Variants in PALM2AKAP2 observed in about 807,000 individuals in gnomAD.
PALM2AKAP2 encodes PALM2-AKAP2 fusion protein.
PALM2AKAP2 carries 37 observed loss-of-function variants against 71.5 expected under a neutral mutation model. The observed-to-expected ratio is 0.52, with a 90% confidence interval of 0.40 to 0.68. The LOEUF (loss-of-function observed/expected upper bound fraction) is 0.68, where lower values mean the gene tolerates loss of function less well. Ranked by LOEUF, PALM2AKAP2 falls within the 30% of genes least tolerant of loss-of-function variation. The pLI is 0.00. For synonymous variants in PALM2AKAP2, 468 were observed against 478.8 expected (o/e 0.98, Z 0.29); for missense variants, 1,224 against 1,191.8 (o/e 1.03, Z -0.40).
chr9:110,025,696 A>G (rs1833167501), intron 7 of PALM2AKAP2, among the ~76,000 whole-genome samples: 1 of 152,178 alleles, frequency 6.6e-6, no homozygotes, highest in South Asian at 2.1e-4. Context: ...CCTAGCCAAC[A>G]CTTACTACTG....
At chr9:109,810,843 A>G (rs1827708951) in intron 1 of PALM2AKAP2, among the ~76,000 whole-genome samples, 1 of 152,148 alleles carries the variant, frequency 6.6e-6, no homozygotes, top group Non-Finnish European at 1.5e-5. Context: ...GCACAAATAG[A>G]GAGGCTGTTC....
chr9:110,000,612 A>G (rs1423257065), intron 6 of PALM2AKAP2, among the ~76,000 whole-genome samples: 3 of 152,214 alleles, frequency 2.0e-5, no homozygotes, highest in Non-Finnish European at 2.9e-5. Flanking sequence ...TGGTTGAACT[A>G]GTTTACAGTC....
At chr9:109,677,651 G>C (rs1827667405) in intron 1 of PALM2AKAP2, among the ~76,000 whole-genome samples, 2 of 148,988 alleles carry the variant, frequency 1.3e-5, no homozygotes, top group Non-Finnish European at 3.0e-5. Context: ...CTGGGTAACA[G>C]AGTGGGACTC....
chr9:110,007,305 T>G (rs1361354127), intron 6 of PALM2AKAP2, among the ~76,000 whole-genome samples: 1 of 152,230 alleles, frequency 6.6e-6, no homozygotes, highest in East Asian at 1.9e-4. Flanking sequence ...AATGCCCCAT[T>G]AAATAATCTT....
intron 6 of PALM2AKAP2, among the ~76,000 whole-genome samples, chr9:109,957,360 C>T (rs953709638): frequency 6.6e-6 from 1 of 152,184 alleles, no homozygotes; most frequent in African/African-American, 2.4e-5. Flanking sequence ...AACACTCCAG[C>T]GTTTAGCCTT....
chr9:109,999,917 G>C (rs917754472), intron 6 of PALM2AKAP2, among the ~76,000 whole-genome samples: 1 of 151,520 alleles, frequency 6.6e-6, no homozygotes, highest in Admixed American at 6.6e-5. Flanking sequence ...ACACAAATTT[G>C]AGTGTAGATT....
chr9:109,849,038 T>C (rs1231884803), intron 1 of PALM2AKAP2, among the ~76,000 whole-genome samples: 1 of 151,844 alleles, frequency 6.6e-6, no homozygotes, highest in Non-Finnish European at 1.5e-5. Context: ...ATTAACAGGA[T>C]TGACTCCACA....
intron 1 of PALM2AKAP2, among the ~76,000 whole-genome samples, chr9:110,071,707 A>G (rs901177981): frequency 1.2e-4 from 19 of 152,348 alleles, no homozygotes; most frequent in Admixed American, 6.5e-5. Context: ...TCCAATTAGC[A>G]CTACCATTGT....
At chr9:109,899,326 A>C (rs1441225485) in intron 3 of PALM2AKAP2, among the ~76,000 whole-genome samples, 1 of 152,116 alleles carries the variant, frequency 6.6e-6, no homozygotes, top group Non-Finnish European at 1.5e-5. Flanking sequence ...TCCTCTATCT[A>C]ATCAGTAATT....
At chr9:110,016,740 A>G (rs527608235) in intron 7 of PALM2AKAP2, among the ~76,000 whole-genome samples, 3 of 152,356 alleles carry the variant, frequency 2.0e-5, no homozygotes, top group South Asian at 2.1e-4. Flanking sequence ...CTCTGCTAAC[A>G]TATTAGTTAA....
In PALM2AKAP2 at chr9:110,160,862, C is replaced by T. The variant is rs145691528; in HGVS notation, c.2748+4365C>T. ...TCTCTCTCTCTTTCTCATCCCATGACTTCATTACTGAGAGGTCATCCAACC... is the reference window on the plus strand; with the variant it reads ...TCTCTCTCTCTTTCTCATCCCATGATTTCATTACTGAGAGGTCATCCAACC... On this transcript the variant is annotated intron_variant, in intron 3 of 3. Transcript: ENST00000374525. Among the ~76,000 whole-genome samples, 920 of 152,280 alleles carry T rather than the reference C, an allele frequency of 6.0e-3. 8 individuals carry two copies. Among genetic ancestry groups the T allele is most frequent in the Non-Finnish European group, 8.1e-3 (550 of 68,016 alleles).
intron 1 of PALM2AKAP2, among the ~76,000 whole-genome samples, chr9:109,844,928 A>ATTGTGTG (rs1338448016): frequency 1.2e-5 from 1 of 80,262 alleles, no homozygotes; most frequent in African/African-American, 5.8e-5. Flanking sequence ...ATGCCAGAAA[A>ATTGTGTG]TGATGTGTGT....
At chr9:109,691,294 A>G (rs1827881102) in intron 1 of PALM2AKAP2, among the ~76,000 whole-genome samples, 2 of 152,090 alleles carry the variant, frequency 1.3e-5, no homozygotes, top group South Asian at 4.1e-4. Context: ...CTGATTTAAC[A>G]GTAAAGTAGA....
intron 3 of PALM2AKAP2, among the ~76,000 whole-genome samples, chr9:109,906,379 C>T (rs776013208): frequency 1.3e-5 from 2 of 151,948 alleles, no homozygotes; most frequent in African/African-American, 4.8e-5. Flanking sequence ...TTGTATTTTC[C>T]GTAGAGACGG....
At chr9:110,001,041 G>T (rs1374173116) in intron 6 of PALM2AKAP2, among the ~76,000 whole-genome samples, 1 of 152,106 alleles carries the variant, frequency 6.6e-6, no homozygotes, top group Non-Finnish European at 1.5e-5. Flanking sequence ...GTCAATTTTG[G>T]CTTCTGTTGC....
intron 3 of PALM2AKAP2, among the ~76,000 whole-genome samples, chr9:109,891,997 C>T (rs947197597): frequency 1.3e-5 from 2 of 152,140 alleles, no homozygotes; most frequent in Non-Finnish European, 2.9e-5. Flanking sequence ...TCTGTTCATC[C>T]CTAAGATATA....
At chr9:109,882,407 C>T (rs879404519) in intron 3 of PALM2AKAP2, among the ~76,000 whole-genome samples, 27 of 152,120 alleles carry the variant, frequency 1.8e-4, no homozygotes, top group Non-Finnish European at 2.9e-4. Context: ...AGGAAACTGG[C>T]CAAGAAAAAG....
chr9:109,660,754 A>G (rs1362027874), intron 1 of PALM2AKAP2, among the ~76,000 whole-genome samples: 1 of 152,190 alleles, frequency 6.6e-6, no homozygotes, highest in East Asian at 1.9e-4. Flanking sequence ...TGTCTTCCAC[A>G]ATGGTTGAAA....
intron 1 of PALM2AKAP2, among the ~76,000 whole-genome samples, chr9:109,795,203 T>G (rs1225526655): frequency 1.3e-5 from 2 of 152,162 alleles, no homozygotes; most frequent in African/African-American, 4.8e-5. Context: ...ATTGTGACAA[T>G]CAAGAAGGTC....
Sources: gnomAD v4.1 joint callset for allele counts (sites outside exome capture counted in the v4.1 genomes callset) on GRCh38, gnomAD v4.1.1 for gene constraint, MANE v1.5 for transcripts, NCBI Gene and HGNC (gene_info 2026-07-23, HGNC 2026-07-21) for gene names.